Variants in CAMK2B observed in about 807,000 individuals in gnomAD.
CAMK2B encodes calcium/calmodulin dependent protein kinase II beta.
Under a neutral mutation model 93.7 loss-of-function variants are expected in CAMK2B, and 27 were observed. That is an observed-to-expected ratio of 0.29 (90% confidence interval 0.21 to 0.40). The LOEUF (loss-of-function observed/expected upper bound fraction) is 0.40. Among genes scored for constraint, CAMK2B ranks in the 10% least tolerant of loss-of-function variants. CAMK2B has a pLI of 1.00. For missense variants in CAMK2B, 568 were observed against 895.8 expected, an observed-to-expected ratio of 0.63 and a Z score of 4.67; for synonymous variants, 374 against 358.8, an observed-to-expected ratio of 1.04 and a Z score of -0.48.
chr7:44,251,462 C>T (rs1186257325), intron 5 of CAMK2B, among the ~76,000 whole-genome samples: 2 of 152,240 alleles, frequency 1.3e-5, no homozygotes, highest in East Asian at 3.9e-4. Context: ...GAGCCCAAGG[C>T]TGCTGAAGCC....
At chr7:44,262,370 A>G (rs539003861) in intron 3 of CAMK2B, among the ~76,000 whole-genome samples, 4 of 152,224 alleles carry the variant, frequency 2.6e-5, no homozygotes, top group Non-Finnish European at 4.4e-5. Flanking sequence ...CCTGGGCTCC[A>G]GGCTCCAGAT....
At chr7:44,252,458 G>A (rs1435669120) in intron 5 of CAMK2B, among the ~76,000 whole-genome samples, 5 of 151,406 alleles carry the variant, frequency 3.3e-5, no homozygotes, top group African/African-American at 1.2e-4. Flanking sequence ...GTGCAGCACA[G>A]AGGGGCAGGG....
chr7:44,291,275 C>T (rs1308184656), intron 1 of CAMK2B, among the ~76,000 whole-genome samples: 3 of 152,078 alleles, frequency 2.0e-5, no homozygotes, highest in Non-Finnish European at 4.4e-5. Flanking sequence ...TGAGGAGTTT[C>T]GGACAAGCAG....
intron 6 of CAMK2B, among the ~76,000 whole-genome samples, chr7:44,246,901 C>T (rs1257023210): frequency 2.6e-5 from 4 of 152,158 alleles, no homozygotes; most frequent in South Asian, 2.1e-4. Flanking sequence ...CACACATGCA[C>T]GCACATATGC....
Position 44,307,046 on chromosome 7 carries a change from GTGAGCAGGGGGAGGAGGGTC to G in CAMK2B, c.65+18291_65+18310del, listed in dbSNP as rs1361113156. On this transcript the variant is annotated intron_variant, in intron 1 of 23. Transcript: ENST00000395749. ...AGGGTGTGAGCAGGGAGAGGAGGCG[GTGAGCAGGGGGAGGAGGGTC>G]TGAGCAGGGGGAGGAGGGTCTGAGC... Among the ~76,000 whole-genome samples the G allele has an allele frequency of 4.0e-5, 5 of 123,522 alleles. No homozygotes were observed. The South Asian group carries it at 1.3e-3, about 32-fold the overall frequency. The allele number at this position is 123,522 out of a possible 152,430, so 81.0% of individuals were successfully genotyped here. A position where few individuals can be genotyped will look rare whatever the true frequency, so the allele number is the denominator to read the frequency against.
intron 19 of CAMK2B, among the ~76,000 whole-genome samples, chr7:44,227,618 AGTGTGGGGGACAGAGGAGGGTCTGGAGG>A: frequency 4.9e-4 from 1 of 2,056 alleles, no homozygotes; most frequent in African/African-American, 6.0e-3. Flanking sequence ...GGACAGAGGG[AGTGTGGGGGACAGAGGAGGGTCTGGAGG>A]ACAGAGGGAG....
chr7:44,228,790 A>G lies in CAMK2B; in HGVS notation c.1468+6T>C, dbSNP rs777076470. On this transcript the variant is annotated splice_donor_region_variant and intron_variant, in intron 19 of 23. Coordinates refer to ENST00000395749, the MANE Select transcript of CAMK2B (RefSeq NM_001220.5). ...AGAGGCGGCAGGCCTGGGGGCCACT[A>G]CTTACACGGGGAGGACAGGGGGCCT... 4.3e-5 allele frequency: 64 copies of G among 1,474,292 alleles called. No individual in the cohort carries two copies. Among genetic ancestry groups the G allele is most frequent in the Non-Finnish European group, 4.8e-5 (54 of 1,115,172 alleles). The allele number at this position is 1,474,292 out of a possible 1,614,324, so 91.3% of individuals were successfully genotyped here. A position where few individuals can be genotyped will look rare whatever the true frequency, so the allele number is the denominator to read the frequency against.
intron 1 of CAMK2B, among the ~76,000 whole-genome samples, chr7:44,313,163 C>T (rs1033079778): frequency 6.6e-6 from 1 of 152,172 alleles, no homozygotes; most frequent in Non-Finnish European, 1.5e-5. Context: ...ACCCACCTCC[C>T]GCTGCCTAGC....
intron 13 of CAMK2B, among the ~76,000 whole-genome samples, chr7:44,239,051 TCAG>T (rs2096651467): frequency 6.6e-6 from 1 of 152,170 alleles, no homozygotes; most frequent in African/African-American, 2.4e-5. Flanking sequence ...GAAAGTCTCC[TCAG>T]GGTGCATAAA....
At chr7:44,302,574 T>A (rs1312073819) in intron 1 of CAMK2B, among the ~76,000 whole-genome samples, 8 of 152,212 alleles carry the variant, frequency 5.3e-5, no homozygotes, top group Non-Finnish European at 1.2e-4. Context: ...GCGGGATTTA[T>A]CCCAGGTATG....
intron 1 of CAMK2B, among the ~76,000 whole-genome samples, chr7:44,289,207 C>T (rs117777577): frequency 0.02 from 3,013 of 152,264 alleles, 39 homozygotes; most frequent in Non-Finnish European, 0.028. Context: ...CCACGGAGCT[C>T]CCCACCGCAG....
At chr7:44,240,874 C>A in intron 11 of CAMK2B, 125 bp from the exon 12 acceptor site, 1 of 978,902 alleles carries the variant, frequency 1.0e-6, no homozygotes, top group Non-Finnish European at 1.6e-6. Context: ...CTGACATGAC[C>A]TCAGCCTTCC....
Position 44,225,891 on chromosome 7 carries a change from C to T in CAMK2B, c.1597+625G>A, listed in dbSNP as rs2096469893. 1 of 1,288,740 alleles carries T rather than the reference C, an allele frequency of 7.8e-7. No homozygotes were observed. Among genetic ancestry groups the T allele is most frequent in the African/African-American group, 1.5e-5 (1 of 65,958 alleles). 79.8% of individuals were successfully genotyped at this position (1,288,740 alleles called of 1,614,324 possible). A position where few individuals can be genotyped will look rare whatever the true frequency, so the allele number is the denominator to read the frequency against. ...CAGCAGCCCTGGGATGTCATCCATCCCTGTAAGTGATACTGCGGGTAGTCG... is the reference window on the plus strand; with the variant it reads ...CAGCAGCCCTGGGATGTCATCCATCTCTGTAAGTGATACTGCGGGTAGTCG... On this transcript the variant is annotated intron_variant, in intron 20 of 23. Coordinates refer to ENST00000395749, the MANE Select transcript of CAMK2B (RefSeq NM_001220.5). This position sits in a 1 kb window ranked among gnomAD's most constrained non-coding sequence, Gnocchi z 5.0.
chr7:44,305,263 C>T (rs1791150265), intron 1 of CAMK2B, among the ~76,000 whole-genome samples: 1 of 152,192 alleles, frequency 6.6e-6, no homozygotes, highest in African/African-American at 2.4e-5. Flanking sequence ...CAGGAAGGGA[C>T]AGGCACTGAA....
intron 1 of CAMK2B, among the ~76,000 whole-genome samples, chr7:44,323,443 C>T (rs1207947705): frequency 6.6e-6 from 1 of 152,256 alleles, no homozygotes; most frequent in African/African-American, 2.4e-5. Context: ...CCACCTCTCT[C>T]AACCTTCCCC....
chr7:44,244,978 C>A, intron 6 of CAMK2B: 1 of 455,874 alleles, frequency 2.2e-6, no homozygotes, highest in South Asian at 1.6e-5. Context: ...GTGATTTTGC[C>A]AACGTGAGTG....
intron 21 of CAMK2B, 54 bp downstream of exon 21, chr7:44,220,772 C>G (rs748515632): frequency 6.4e-7 from 1 of 1,563,606 alleles, no homozygotes; most frequent in Non-Finnish European, 8.7e-7. Context: ...CAGGCCCCCC[C>G]AAGGGTCCCA....
At chr7:44,241,826 A>T in intron 10 of CAMK2B, 43 bp from the exon 11 acceptor site, 1 of 1,531,710 alleles carries the variant, frequency 6.5e-7, no homozygotes, top group Non-Finnish European at 9.0e-7. Context: ...AGCCCGAGGC[A>T]CAGGGGAGAG....
intron 13 of CAMK2B, among the ~76,000 whole-genome samples, chr7:44,237,596 T>TG (rs1304025704): frequency 1.3e-5 from 2 of 152,178 alleles, no homozygotes; most frequent in Admixed American, 6.5e-5. Flanking sequence ...AACCATTTTT[T>TG]GGGGGGCTGC....
Sources: allele counts gnomAD v4.1 joint callset (sites outside exome capture counted in the v4.1 genomes callset), GRCh38; gene constraint gnomAD v4.1.1; non-coding constraint Gnocchi (gnomAD v3.1); transcripts MANE v1.5; gene names NCBI Gene and HGNC (gene_info 2026-07-23, HGNC 2026-07-21).